Variants in CTNNA2 observed in about 807,000 individuals in gnomAD.
CTNNA2 encodes the protein catenin alpha-2.
A neutral mutation model predicts 101.0 loss-of-function variants in CTNNA2; 42 were observed. That is an observed-to-expected ratio of 0.42 (90% CI 0.32 to 0.54). The LOEUF (loss-of-function observed/expected upper bound fraction) is 0.54. Among genes scored for constraint, CTNNA2 ranks in the 20% least tolerant of loss-of-function variants. The pLI is 0.14. For synonymous variants in CTNNA2, 450 were observed against 456.4 expected (o/e 0.99, Z 0.18); for missense variants, 871 against 1,223.1 (o/e 0.71, Z 4.29).
intron 3 of CTNNA2, among the ~76,000 whole-genome samples, chr2:79,321,793 G>GCACACA (rs59806501): frequency 0.015 from 2,191 of 149,160 alleles, 24 homozygotes; most frequent in Non-Finnish European, 0.015. Context: ...CACTGTGTTT[G>GCACACA]CACACACACA....
chr2:80,116,902 A>AGTGTGTGTGTGTGTGTGTGTGTGTGTGT (rs112383959), intron 7 of CTNNA2, among the ~76,000 whole-genome samples: 4 of 143,520 alleles, frequency 2.8e-5, no homozygotes, highest in Admixed American at 7.0e-5. Context: ...AGAAGAAAAT[A>AGTGTGTGTGTGTGTGTGTGTGTGTGTGT]GTGTGTGTGT....
chr2:80,603,933 G>A, intron 15 of CTNNA2, 141 bp from the exon 16 acceptor site: 1 of 590,030 alleles, frequency 1.7e-6, no homozygotes, highest in African/African-American at 1.9e-5. Context: ...CTGGAGTTAA[G>A]CAGGAAAATA....
chr2:79,632,514 A>C (rs1679759201), intron 1 of CTNNA2, among the ~76,000 whole-genome samples: 1 of 152,240 alleles, frequency 6.6e-6, no homozygotes, highest in African/African-American at 2.4e-5. Flanking sequence ...ACCTATGCTA[A>C]TAAATCTACC....
chr2:80,428,943 A>G (rs1681237559), intron 9 of CTNNA2, among the ~76,000 whole-genome samples: 2 of 152,128 alleles, frequency 1.3e-5, no homozygotes, highest in South Asian at 2.1e-4. Context: ...GCCTTCCTCA[A>G]TACAGCTAAT....
chr2:80,535,423 G>T lies in CTNNA2; in HGVS notation c.1291-9559G>T, dbSNP rs1558559961. Among the ~76,000 whole-genome samples, 3 of 152,004 alleles carry T rather than the reference G, an allele frequency of 2.0e-5. No homozygotes were observed. The South Asian group carries it at 6.2e-4, about 32-fold the overall frequency. ...CGGTAACATTTGTCAAGTCATTACT[G>T]GGTGCTGGGTTAACTAATCTCTTAT... On this transcript the variant is annotated intron_variant, in intron 9 of 18. Transcript: ENST00000402739.
intron 1 of CTNNA2, among the ~76,000 whole-genome samples, chr2:79,188,422 C>T (rs1673810384): frequency 6.6e-6 from 1 of 152,132 alleles, no homozygotes; most frequent in African/African-American, 2.4e-5. Flanking sequence ...AGAAGTGTCA[C>T]CTGGGGCACT....
At chr2:80,646,665 C>A (rs1002135592) in intron 18 of CTNNA2, among the ~76,000 whole-genome samples, 1 of 151,768 alleles carries the variant, frequency 6.6e-6, no homozygotes, top group Non-Finnish European at 1.5e-5. Context: ...ACAGTACATA[C>A]CACACTAACT....
intron 1 of CTNNA2, among the ~76,000 whole-genome samples, chr2:79,582,246 C>A (rs1169799291): frequency 6.6e-6 from 1 of 152,148 alleles, no homozygotes; most frequent in Non-Finnish European, 1.5e-5. Flanking sequence ...TAGAATATTT[C>A]CAGGCACAAG....
chr2:79,419,377 G>A (rs548785500), intron 4 of CTNNA2, among the ~76,000 whole-genome samples: 3 of 152,052 alleles, frequency 2.0e-5, no homozygotes, highest in Non-Finnish European at 2.9e-5. Context: ...GAATAATGAA[G>A]TTAGTTAATA....
intron 17 of CTNNA2, among the ~76,000 whole-genome samples, chr2:80,616,928 T>C (rs866613594): frequency 6.6e-6 from 1 of 151,738 alleles, no homozygotes; most frequent in African/African-American, 2.4e-5. Context: ...TAGTTTTGCA[T>C]TGGGTTCCTG....
At chr2:79,853,670 CT>C (rs10607231) in intron 3 of CTNNA2, among the ~76,000 whole-genome samples, 65,739 of 129,530 alleles carry the variant, frequency 0.51, 15,466 homozygotes, top group African/African-American at 0.57. Context: ...TATTATTTTT[CT>C]TTTTTTTTTT....
At chr2:80,592,113 T>G (rs932996276) in intron 15 of CTNNA2, among the ~76,000 whole-genome samples, 2 of 152,176 alleles carry the variant, frequency 1.3e-5, no homozygotes, top group Admixed American at 6.5e-5. Context: ...GAATCAAACT[T>G]AAGTTCTAAT....
chr2:79,959,517 T>A (rs954291785), intron 7 of CTNNA2, among the ~76,000 whole-genome samples: 4 of 152,210 alleles, frequency 2.6e-5, no homozygotes, highest in Non-Finnish European at 5.9e-5. Flanking sequence ...TACGCCACTC[T>A]TAATGCCTTG....
intron 6 of CTNNA2, among the ~76,000 whole-genome samples, chr2:79,875,113 A>T (rs1431881769): frequency 6.6e-6 from 1 of 152,170 alleles, no homozygotes; most frequent in Admixed American, 6.5e-5. Flanking sequence ...TGAAAGTCCT[A>T]CATTCTACAC....
At chr2:80,242,575 G>A (rs1671023199) in intron 7 of CTNNA2, among the ~76,000 whole-genome samples, 2 of 152,158 alleles carry the variant, frequency 1.3e-5, no homozygotes, top group Admixed American at 1.3e-4. Flanking sequence ...GGTACTGTAA[G>A]AGCCAAATCA....
chr2:80,286,610 G>A (rs956072182), intron 7 of CTNNA2, among the ~76,000 whole-genome samples: 8 of 152,070 alleles, frequency 5.3e-5, no homozygotes, highest in Non-Finnish European at 7.3e-5. Flanking sequence ...CTTTCACATC[G>A]TGGATTGTGC....
chr2:79,894,050 CTTCTTCT>C (rs1558619624), intron 6 of CTNNA2, among the ~76,000 whole-genome samples: 39 of 123,430 alleles, frequency 3.2e-4, no homozygotes, highest in African/African-American at 1.0e-3. Flanking sequence ...TCTTCTTCTT[CTTCTTCT>C]TCTTCTTCCT....
At chr2:80,216,152 C>T in intron 7 of CTNNA2, among the ~76,000 whole-genome samples, 1 of 152,148 alleles carries the variant, frequency 6.6e-6, no homozygotes, top group South Asian at 2.1e-4. Flanking sequence ...TTTCCAGGTA[C>T]CGTCTGTCAC....
At chr2:80,343,332 A>G (rs1414216974) in intron 7 of CTNNA2, among the ~76,000 whole-genome samples, 2 of 151,730 alleles carry the variant, frequency 1.3e-5, no homozygotes, top group East Asian at 3.9e-4. Context: ...TTCTCTTAAG[A>G]TCATCCATGT....
Sources: allele counts gnomAD v4.1 joint callset (sites outside exome capture counted in the v4.1 genomes callset), GRCh38; gene constraint gnomAD v4.1.1; transcripts MANE v1.5; gene names NCBI Gene and HGNC (gene_info 2026-07-23, HGNC 2026-07-21).